CDC42BPA: variants seen among roughly 807,000 people sequenced by gnomAD.
CDC42BPA encodes the protein CDC42 binding protein kinase alpha.
CDC42BPA carries 80 observed loss-of-function variants against 223.5 expected under a neutral mutation model. That is an observed-to-expected ratio of 0.36 (90% CI 0.30 to 0.43). The LOEUF is 0.43. Ranked by LOEUF, CDC42BPA falls within the 20% of genes least tolerant of loss-of-function variation. The probability of loss-of-function intolerance (pLI) is 1.00; values close to 1 mark genes in which losing one functional copy is unlikely to be tolerated. For missense variants in CDC42BPA, 1,743 were observed against 2,099.9 expected (o/e 0.83, Z 3.32); for synonymous variants, 694 against 718.6 (o/e 0.97, Z 0.55).
At chr1:227,073,514 T>C (rs555453876) in intron 19 of CDC42BPA, among the ~76,000 whole-genome samples, 2 of 152,258 alleles carry the variant, frequency 1.3e-5, no homozygotes, top group East Asian at 1.9e-4. Context: ...TATTTTGTTC[T>C]CACCATATGT....
chr1:227,165,950 T>A (rs919983027), intron 5 of CDC42BPA, among the ~76,000 whole-genome samples: 3 of 152,210 alleles, frequency 2.0e-5, no homozygotes, highest in African/African-American at 7.2e-5. Context: ...CAAAAATACA[T>A]GTGTAAATGT....
intron 2 of CDC42BPA, among the ~76,000 whole-genome samples, chr1:227,230,813 TTTCTTTC>T (rs753027753): frequency 4.6e-4 from 23 of 49,812 alleles, no homozygotes; most frequent in South Asian, 8.6e-4. Flanking sequence ...TTCTTTTTTC[TTTCTTTC>T]TTTTTTTTTT....
chr1:227,076,768 T>C (rs1679576466), intron 17 of CDC42BPA, among the ~76,000 whole-genome samples: 1 of 152,184 alleles, frequency 6.6e-6, no homozygotes, highest in Admixed American at 6.5e-5. Context: ...TTCCATTGGT[T>C]CCTTTAAACA....
chr1:227,055,507 T>A (rs73091740), intron 21 of CDC42BPA, among the ~76,000 whole-genome samples: 23,493 of 152,138 alleles, frequency 0.15, 2,202 homozygotes, highest in African/African-American at 0.25. Context: ...TCAGTTTAAT[T>A]ATGAATTGGC....
intron 1 of CDC42BPA, among the ~76,000 whole-genome samples, chr1:227,310,922 A>G (rs1573013706): frequency 6.6e-6 from 1 of 151,424 alleles, no homozygotes; most frequent in Non-Finnish European, 1.5e-5. Flanking sequence ...CAATCTCCTG[A>G]CCTCGTGATC....
chr1:227,165,542 T>C (rs563852603), intron 5 of CDC42BPA, among the ~76,000 whole-genome samples: 8 of 152,202 alleles, frequency 5.3e-5, no homozygotes, highest in Non-Finnish European at 1.2e-4. Flanking sequence ...AATTATAGTA[T>C]ATTTCTTGGC....
chr1:227,026,662 G>A (rs1668322431), intron 30 of CDC42BPA, among the ~76,000 whole-genome samples: 1 of 152,142 alleles, frequency 6.6e-6, no homozygotes, highest in Non-Finnish European at 1.5e-5. Flanking sequence ...AGATTCAATG[G>A]TTTACTTAAA....
At chr1:227,291,882 T>C (rs554197503) in intron 1 of CDC42BPA, among the ~76,000 whole-genome samples, 18 of 152,334 alleles carry the variant, frequency 1.2e-4, no homozygotes, top group Middle Eastern at 3.4e-3. Flanking sequence ...CTGTTTCTTC[T>C]ACAGAATCAT....
intron 23 of CDC42BPA, 23 bp downstream of exon 23, chr1:227,047,904 A>C (rs1672776604): frequency 1.4e-6 from 2 of 1,437,268 alleles, no homozygotes; most frequent in African/African-American, 1.4e-5. Flanking sequence ...GGAACACACT[A>C]TGCTTATAAC....
chr1:227,194,777 G>A (rs1295967270), intron 4 of CDC42BPA, among the ~76,000 whole-genome samples: 1 of 152,164 alleles, frequency 6.6e-6, no homozygotes, highest in African/African-American at 2.4e-5. Flanking sequence ...GGAAAAATGG[G>A]TTTTGTAGTC....
chr1:227,058,450 G>C (rs1038251224), intron 21 of CDC42BPA, among the ~76,000 whole-genome samples: 1 of 152,180 alleles, frequency 6.6e-6, no homozygotes, highest in African/African-American at 2.4e-5. Flanking sequence ...GTGTTGATCA[G>C]TCTCCACGGA....
intron 21 of CDC42BPA, among the ~76,000 whole-genome samples, chr1:227,052,737 A>G (rs1263590468): frequency 6.6e-6 from 1 of 152,210 alleles, no homozygotes; most frequent in African/African-American, 2.4e-5. Flanking sequence ...CAATGTTTAG[A>G]TCAGAAATCA....
In CDC42BPA at chr1:226,994,299, TCCA is replaced by T; in HGVS notation, c.5231_5233del (p.Leu1744_Glu1745delinsGln). The T allele has an allele frequency of 6.3e-7, 1 of 1,594,268 alleles. No individual in the cohort carries two copies. Among genetic ancestry groups the T allele is most frequent in the Non-Finnish European group, 8.6e-7 (1 of 1,168,626 alleles). ...GTCCCAGCTCCCGCGGTCAGTGCTC[TCCA>T]GGGAGAGGCTCTTGGTTTTTCGGGG... is the stretch of plus-strand genomic sequence containing the variant. On this transcript the variant is annotated inframe_deletion, in exon 37 of 37. Transcript: ENST00000366766. The surrounding 1 kb of genome is among the most constrained non-coding windows in gnomAD (Gnocchi z 4.0).
chr1:227,011,802 A>G (rs1665272541), intron 34 of CDC42BPA, among the ~76,000 whole-genome samples: 1 of 152,170 alleles, frequency 6.6e-6, no homozygotes, highest in Admixed American at 6.6e-5. Context: ...CGCAGGAACT[A>G]TCACTCAGTA....
chr1:227,196,314 C>T (rs1049698051), intron 4 of CDC42BPA, among the ~76,000 whole-genome samples: 2 of 128,912 alleles, frequency 1.6e-5, no homozygotes, highest in East Asian at 4.2e-4. Flanking sequence ...ATCCTCCTTG[C>T]TTTCTTTTTA....
chr1:227,129,226 T>A lies in CDC42BPA; in HGVS notation c.1396A>T (p.Thr466Ser). The change falls in exon 11 of 37, where the codon ACA becomes TCA. Residue 466 changes from threonine (T) to serine (S), a missense_variant. Transcript: ENST00000366766. Reference sequence around the variant, plus strand: ...TACTGCAGAGCTTGGACAGTCTGTGTTGACTCTTTAAAAAAAAGGATAAAA... The same window carrying A: ...TACTGCAGAGCTTGGACAGTCTGTGATGACTCTTTAAAAAAAAGGATAAAA... ...LELSRKLQES[T>S]QTVQALQYST... 6.4e-7 allele frequency: 1 copy of A among 1,566,012 alleles called. No homozygotes were observed. The highest frequency in any genetic ancestry group is 8.6e-7 in the Non-Finnish European group (1 of 1,161,346).
At chr1:227,298,356 A>ATT (rs78547197) in intron 1 of CDC42BPA, among the ~76,000 whole-genome samples, 5 of 151,768 alleles carry the variant, frequency 3.3e-5, no homozygotes, top group East Asian at 1.9e-4. Flanking sequence ...AACTTGAGGC[A>ATT]TTTTTTTTGT....
At chr1:227,246,541 T>G (rs879466137) in intron 2 of CDC42BPA, among the ~76,000 whole-genome samples, 2 of 151,938 alleles carry the variant, frequency 1.3e-5, no homozygotes, top group African/African-American at 4.8e-5. Flanking sequence ...AGACCCAATA[T>G]GTTTGGAAGA....
At chr1:227,058,132 TAATC>T (rs779177298) in intron 21 of CDC42BPA, among the ~76,000 whole-genome samples, 8 of 152,178 alleles carry the variant, frequency 5.3e-5, no homozygotes, top group Non-Finnish European at 7.3e-5. Context: ...AGTTTCAAAA[TAATC>T]AAGCAATCAG....
Sources: gnomAD v4.1 joint callset for allele counts (sites outside exome capture counted in the v4.1 genomes callset) on GRCh38, gnomAD v4.1.1 for gene constraint, Gnocchi (gnomAD v3.1) non-coding constraint, MANE v1.5 for transcripts, NCBI Gene and HGNC (gene_info 2026-07-23, HGNC 2026-07-21) for gene names.